KRIT1: variants seen among roughly 807,000 people sequenced by gnomAD.
KRIT1 encodes KRIT1 ankyrin repeat containing, also known as krev interaction trapped protein 1.
A neutral mutation model predicts 95.8 loss-of-function variants in KRIT1; 45 were observed. The ratio of observed to expected loss-of-function variants is 0.47; its 90% CI spans 0.37 to 0.60. KRIT1 has a LOEUF of 0.60. Ranked by LOEUF, KRIT1 falls within the 20% of genes least tolerant of loss-of-function variation. The pLI is 0.00. For synonymous variants in KRIT1, 282 were observed against 278.8 expected, an observed-to-expected ratio of 1.01 and a Z score of -0.11; for missense variants, 788 against 877.5, an observed-to-expected ratio of 0.90 and a Z score of 1.29.
intron 3 of KRIT1, among the ~76,000 whole-genome samples, chr7:92,243,163 T>C (rs901586901): frequency 1.5e-4 from 23 of 152,192 alleles, no homozygotes; most frequent in African/African-American, 5.5e-4. Flanking sequence ...TGTGTGTGTG[T>C]GTGCGTGTGT....
chr7:92,231,252 AAG>A (rs1178062458), intron 10 of KRIT1, among the ~76,000 whole-genome samples: 3 of 152,190 alleles, frequency 2.0e-5, no homozygotes, highest in Non-Finnish European at 4.4e-5. Context: ...CTAGAAAGTA[AAG>A]AATGGTTTTT....
chr7:92,233,958 A>C (rs1797871221), intron 10 of KRIT1, among the ~76,000 whole-genome samples: 1 of 152,204 alleles, frequency 6.6e-6, no homozygotes, highest in African/African-American at 2.4e-5. Flanking sequence ...ACTAGTATCT[A>C]ACATAATGGA....
intron 6 of KRIT1, 22 bp downstream of exon 6, chr7:92,237,645 G>A: frequency 6.5e-6 from 9 of 1,394,396 alleles, no homozygotes; most frequent in Non-Finnish European, 9.2e-6. Context: ...ATAAAGATTT[G>A]TAAGATACAT....
chr7:92,240,830 G>C (rs916333133), intron 5 of KRIT1, 163 bp downstream of exon 5: 13 of 631,454 alleles, frequency 2.1e-5, no homozygotes, highest in African/African-American at 5.5e-5. Flanking sequence ...GTTACATCTT[G>C]AAGGGGCTTG....
chr7:92,226,161 G>A (rs1173749320), intron 11 of KRIT1, among the ~76,000 whole-genome samples: 2 of 151,652 alleles, frequency 1.3e-5, no homozygotes, highest in African/African-American at 4.8e-5. Flanking sequence ...TTTTCAAGAT[G>A]TTTTTGGAGA....
chr7:92,238,488 C>G (rs1798890918), intron 5 of KRIT1, among the ~76,000 whole-genome samples: 1 of 152,168 alleles, frequency 6.6e-6, no homozygotes, highest in Non-Finnish European at 1.5e-5. Context: ...CACAAAATAT[C>G]AGAGCCAATA....
chr7:92,235,783 A>G (rs1027218516), intron 7 of KRIT1, 137 bp from the exon 8 acceptor site: 2 of 777,386 alleles, frequency 2.6e-6, no homozygotes, highest in Non-Finnish European at 4.1e-6. Flanking sequence ...GTGTTAGTTA[A>G]GTACTTTATT....
At chr7:92,229,336 A>G (rs1796827577) in intron 10 of KRIT1, among the ~76,000 whole-genome samples, 1 of 152,226 alleles carries the variant, frequency 6.6e-6, no homozygotes, top group East Asian at 1.9e-4. Flanking sequence ...ACAGCAAAAG[A>G]AACTATCAAC....
chr7:92,224,013 G>A (rs996427574), intron 12 of KRIT1, among the ~76,000 whole-genome samples: 8 of 152,286 alleles, frequency 5.3e-5, no homozygotes, highest in Non-Finnish European at 5.9e-5. Flanking sequence ...TATAACATAA[G>A]GGTACCTGTA....
rs759135760 is a variant in KRIT1 at position 92,215,117 on chromosome 7, T to G, written c.1564-340A>C. ...ATATTTCGCTGATAGGAAATAGTTATTTTTTTTAACAATCAAAAAACGTAA... is the reference window on the plus strand; with the variant it reads ...ATATTTCGCTGATAGGAAATAGTTAGTTTTTTTAACAATCAAAAAACGTAA... On this transcript the variant is annotated intron_variant, in intron 14 of 18. Transcript: ENST00000394505. Among the ~76,000 whole-genome samples the G allele has an allele frequency of 2.6e-4, 37 of 143,026 alleles. 2 individuals are homozygous for G. Among genetic ancestry groups the G allele is most frequent in the African/African-American group, 1.0e-3 (35 of 33,334 alleles). 93.8% of individuals were successfully genotyped at this position (143,026 alleles called of 152,430 possible). A position where few individuals can be genotyped will look rare whatever the true frequency, so the allele number is the denominator to read the frequency against.
chr7:92,236,240 A>G, intron 7 of KRIT1, 173 bp downstream of exon 7: 1 of 550,178 alleles, frequency 1.8e-6, no homozygotes, highest in Non-Finnish European at 3.2e-6. Flanking sequence ...AGGCCAGGAC[A>G]ACCTTATCTT....
At chr7:92,239,176 T>G (rs756268388) in intron 5 of KRIT1, among the ~76,000 whole-genome samples, 7 of 152,088 alleles carry the variant, frequency 4.6e-5, no homozygotes, top group Non-Finnish European at 8.8e-5. Flanking sequence ...CAGGGCAAAA[T>G]GGTGCTAGAT....
At chr7:92,212,436 A>G (rs1284195080) in intron 17 of KRIT1, among the ~76,000 whole-genome samples, 2 of 152,176 alleles carry the variant, frequency 1.3e-5, no homozygotes, top group African/African-American at 2.4e-5. Flanking sequence ...CCTAACTCCT[A>G]AAGTGATGGT....
intron 10 of KRIT1, among the ~76,000 whole-genome samples, chr7:92,227,915 G>A (rs1796518821): frequency 6.6e-6 from 1 of 152,050 alleles, no homozygotes; most frequent in African/African-American, 2.4e-5. Context: ...TGGAGGCTGA[G>A]GCAGGAGAAT....
intron 12 of KRIT1, among the ~76,000 whole-genome samples, chr7:92,223,217 C>A (rs1795496223): frequency 6.8e-6 from 1 of 146,130 alleles, no homozygotes; most frequent in Non-Finnish European, 1.5e-5. Context: ...ATCACGAAGT[C>A]AGGAGCTCGA....
At chr7:92,235,297 G>T in intron 8 of KRIT1, 106 bp downstream of exon 8, 4 of 1,144,938 alleles carry the variant, frequency 3.5e-6, no homozygotes, top group Non-Finnish European at 5.2e-6. Flanking sequence ...ACTGTACCAG[G>T]CCTTCATGTT....
rs184591200 is a variant in KRIT1 at position 92,231,977 on chromosome 7, G to T, written c.989+2472C>A. On this transcript the variant is annotated intron_variant, in intron 10 of 18. Coordinates refer to ENST00000394505, the MANE Select transcript of KRIT1 (RefSeq NM_194454.3). ...GATGTAGTCTCACTCAGTCGCCCAG[G>T]CTGGAGTGCGGTGGTGGGATCTCAG... Among the ~76,000 whole-genome samples, 15 of 152,206 alleles carry T rather than the reference G, an allele frequency of 9.9e-5. No individual in the cohort carries two copies. The East Asian group carries it at 2.7e-3, about 27-fold the overall frequency.
Position 92,226,689 on chromosome 7 carries a change from A to T in KRIT1, c.990-7T>A. The T allele has an allele frequency of 6.2e-7, 1 of 1,611,610 alleles. No individual in the cohort carries two copies. Among genetic ancestry groups the T allele is most frequent in the Non-Finnish European group, 8.5e-7 (1 of 1,178,634 alleles). On this transcript the variant is annotated splice_polypyrimidine_tract_variant and splice_region_variant and intron_variant, in intron 10 of 18. Transcript: ENST00000394505. ...GGCCTCAACTTTTCCATACCTGTAT[A>T]AAAAAACAAACAAACAAAAAACAAC... is the stretch of plus-strand genomic sequence containing the variant.
At chr7:92,211,458 C>T (rs112982342) in intron 17 of KRIT1, among the ~76,000 whole-genome samples, 6 of 151,946 alleles carry the variant, frequency 3.9e-5, no homozygotes, top group Admixed American at 3.3e-4. Context: ...ATACGTGAGA[C>T]GTTGATGTCA....
Sources: allele counts gnomAD v4.1 joint callset (sites outside exome capture counted in the v4.1 genomes callset), GRCh38; gene constraint gnomAD v4.1.1; transcripts MANE v1.5; gene names NCBI Gene and HGNC (gene_info 2026-07-23, HGNC 2026-07-21).